Variants in ARMC8 observed in about 807,000 individuals in gnomAD.
The protein encoded by ARMC8 is armadillo repeat containing 8, also known as armadillo repeat-containing protein 8.
Under a neutral mutation model 99.3 loss-of-function variants are expected in ARMC8, and 20 were observed. The observed-to-expected ratio is 0.20, with a 90% confidence interval of 0.14 to 0.29. ARMC8 has a LOEUF of 0.29. Ranked by LOEUF, ARMC8 falls within the 10% of genes least tolerant of loss-of-function variation. The pLI, the probability that ARMC8 is intolerant of heterozygous loss-of-function variation, is 1.00. For missense variants in ARMC8, 569 were observed against 809.5 expected (o/e 0.70, Z 3.60); for synonymous variants, 263 against 278.3 (o/e 0.95, Z 0.55).
At chr3:138,239,264 G>T in intron 9 of ARMC8, 1 of 466,138 alleles carries the variant, frequency 2.1e-6, no homozygotes, top group Non-Finnish European at 3.8e-6. Flanking sequence ...TAAATATCTG[G>T]CTTACCATCT....
At chr3:138,237,160 G>T (rs2046375213) in intron 7 of ARMC8, 149 bp from the exon 8 acceptor site, 1 of 654,710 alleles carries the variant, frequency 1.5e-6, no homozygotes, top group African/African-American at 1.8e-5. Flanking sequence ...GTACTCTGCA[G>T]CTGTACAGGT....
At chr3:138,227,412 G>A (rs2108101827) in intron 5 of ARMC8, among the ~76,000 whole-genome samples, 1 of 152,336 alleles carries the variant, frequency 6.6e-6, no homozygotes, top group Middle Eastern at 3.4e-3. Flanking sequence ...TCCTTTGCCA[G>A]TGAAACCCCA....
At position 138,297,886 on chromosome 3, in the gene ARMC8, A is replaced by G. The variant is rs989972895; in HGVS notation, c.*1994A>G. The G allele has an allele frequency of 2.6e-5, 4 of 152,268 alleles. No homozygotes were observed. Among genetic ancestry groups the G allele is most frequent in the Admixed American group, 1.3e-4 (2 of 15,288 alleles). The allele number at this position is 152,268 out of a possible 1,614,324, so 9.4% of individuals were successfully genotyped here. The stretch of plus-strand genomic sequence containing the variant: ...GTACTAGGTAAATATAAAGAAACCA[A>G]TAATGAATTGCTGAGACAATCTTGA... On this transcript the variant is annotated 3_prime_UTR_variant, in exon 22 of 22. Coordinates refer to ENST00000469044, the MANE Select transcript of ARMC8 (RefSeq NM_001363941.2).
chr3:138,224,078 C>T (rs926377255), intron 5 of ARMC8, among the ~76,000 whole-genome samples: 10 of 151,324 alleles, frequency 6.6e-5, no homozygotes, highest in African/African-American at 2.4e-4. Flanking sequence ...TCTGCCTCAG[C>T]GTCTGGAGTA....
chr3:138,196,170 A>C (rs1377591787), intron 1 of ARMC8, among the ~76,000 whole-genome samples: 1 of 152,228 alleles, frequency 6.6e-6, no homozygotes, highest in African/African-American at 2.4e-5. Flanking sequence ...AGGGAGACTA[A>C]GGAAAAGGAA....
intron 16 of ARMC8, among the ~76,000 whole-genome samples, chr3:138,272,082 T>C (rs1289996551): frequency 6.6e-6 from 1 of 152,138 alleles, no homozygotes; most frequent in East Asian, 1.9e-4. Flanking sequence ...TGATACAAAT[T>C]AGAGAAAAAG....
chr3:138,223,571 A>G, intron 4 of ARMC8, 40 bp downstream of exon 4: 1 of 1,614,070 alleles, frequency 6.2e-7, no homozygotes, highest in East Asian at 2.2e-5. Context: ...AAGGTTAAGA[A>G]TCAGTTTGCA....
rs145512406 is a variant in ARMC8 at position 138,189,735 on chromosome 3, G to C, written c.45+2136G>C. Among the ~76,000 whole-genome samples the C allele has an allele frequency of 5.5e-3, 844 of 152,256 alleles. 6 individuals carry two copies. Among genetic ancestry groups the C allele is most frequent in the African/African-American group, 0.019 (789 of 41,544 alleles). ...TACCTTCTCCTTGGGAAATCTCATT[G>C]ATTTTCCTGTACCCTTAACTGATCA... On this transcript the variant is annotated intron_variant, in intron 1 of 21. Transcript: ENST00000469044.
intron 12 of ARMC8, among the ~76,000 whole-genome samples, chr3:138,255,899 G>A (rs371035179): frequency 3.3e-5 from 5 of 152,170 alleles, no homozygotes; most frequent in African/African-American, 1.2e-4. Flanking sequence ...AGAATCGCTC[G>A]AACCCGGGAG....
At chr3:138,267,747 T>A (rs2048405528) in intron 15 of ARMC8, among the ~76,000 whole-genome samples, 2 of 152,194 alleles carry the variant, frequency 1.3e-5, no homozygotes, top group African/African-American at 4.8e-5. Context: ...TTCTTTTTTT[T>A]AATAGGAAAA....
rs938054713 is a variant in ARMC8, at chr3:138,296,658, A to G, written c.*766A>G. ...CTTACTGCCGTCAATATTAGCAGGT[A>G]CAGAGCCTTTTTTCATCCTAATTCA... On this transcript the variant is annotated 3_prime_UTR_variant, in exon 22 of 22. Coordinates refer to ENST00000469044, the MANE Select transcript of ARMC8 (RefSeq NM_001363941.2). The G allele has an allele frequency of 6.6e-6, 1 of 152,248 alleles. No individual in the cohort carries two copies. Among genetic ancestry groups the G allele is most frequent in the African/African-American group, 2.4e-5 (1 of 41,470 alleles). The allele number at this position is 152,248 out of a possible 1,614,324, so 9.4% of individuals were successfully genotyped here. A position where few individuals can be genotyped will look rare whatever the true frequency, so the allele number is the denominator to read the frequency against.
Position 138,296,866 on chromosome 3 carries a change from C to G in ARMC8, c.*974C>G, listed in dbSNP as rs1413289773. On this transcript the variant is annotated 3_prime_UTR_variant, in exon 22 of 22. Coordinates refer to ENST00000469044, the MANE Select transcript of ARMC8 (RefSeq NM_001363941.2). ...GCCTCCCAATTGCCCTAACTCCTGT[C>G]ATTGGTATTAGCAATATCTGGCCAG... 2 of 152,204 alleles carry G rather than the reference C, an allele frequency of 1.3e-5. No homozygotes were observed. Among genetic ancestry groups the G allele is most frequent in the Admixed American group, 6.5e-5 (1 of 15,272 alleles). The allele number at this position is 152,204 out of a possible 1,614,324, so 9.4% of individuals were successfully genotyped here.
At chr3:138,267,323 A>C in intron 15 of ARMC8, 82 bp downstream of exon 15, 1 of 818,210 alleles carries the variant, frequency 1.2e-6, no homozygotes, top group Non-Finnish European at 1.9e-6. Flanking sequence ...GTTGACATTG[A>C]AATCTGTGGG....
chr3:138,222,137 T>A, intron 3 of ARMC8, 140 bp downstream of exon 3: 1 of 640,712 alleles, frequency 1.6e-6, no homozygotes, highest in Non-Finnish European at 2.6e-6. Flanking sequence ...TAAATGTAAG[T>A]ATTTAAACTA....
At chr3:138,275,298 C>A (rs1198475652) in intron 18 of ARMC8, among the ~76,000 whole-genome samples, 1 of 152,190 alleles carries the variant, frequency 6.6e-6, no homozygotes, top group Non-Finnish European at 1.5e-5. Flanking sequence ...TGGCTCATGC[C>A]TGTAATCCCA....
intron 12 of ARMC8, among the ~76,000 whole-genome samples, chr3:138,249,319 A>G (rs1006120255): frequency 2.0e-5 from 3 of 152,094 alleles, no homozygotes; most frequent in African/African-American, 7.2e-5. Context: ...TATACTTAGC[A>G]TAGAGAAAAA....
chr3:138,252,067 G>A (rs540785204), intron 12 of ARMC8, among the ~76,000 whole-genome samples: 32 of 152,200 alleles, frequency 2.1e-4, no homozygotes, highest in Non-Finnish European at 4.3e-4. Flanking sequence ...AAGAATCAGG[G>A]ATTGTTGCTA....
intron 2 of ARMC8, among the ~76,000 whole-genome samples, chr3:138,221,592 T>C (rs556488933): frequency 6.6e-6 from 1 of 152,210 alleles, no homozygotes; most frequent in Non-Finnish European, 1.5e-5. Flanking sequence ...GTTGTTCGTT[T>C]AACTCACTCC....
intron 11 of ARMC8, among the ~76,000 whole-genome samples, chr3:138,243,378 C>G (rs73867049): frequency 1.3e-5 from 2 of 151,930 alleles, no homozygotes; most frequent in Non-Finnish European, 2.9e-5. Context: ...GTTTCTGACC[C>G]GAAAAGTATA....
Sources: allele counts gnomAD v4.1 joint callset (sites outside exome capture counted in the v4.1 genomes callset), GRCh38; gene constraint gnomAD v4.1.1; transcripts MANE v1.5; gene names NCBI Gene and HGNC (gene_info 2026-07-23, HGNC 2026-07-21).